The following GSAP variants were observed in gnomAD, a reference collection of about 807,000 sequenced individuals.
GSAP encodes gamma-secretase-activating protein.
Under a neutral mutation model 131.7 loss-of-function variants are expected in GSAP, and 118 were observed. That is an observed-to-expected ratio of 0.90 (90% confidence interval 0.77 to 1.04). GSAP has a LOEUF of 1.04. Among genes scored for constraint, GSAP ranks in the 50% least tolerant of loss-of-function variants. The pLI is 0.00. For missense variants in GSAP, 1,019 were observed against 1,013.2 expected (o/e 1.01, Z -0.08); for synonymous variants, 381 against 363.4 (o/e 1.05, Z -0.55).
chr7:77,314,576 A>C (rs1470293811), intron 26 of GSAP, 87 bp from the exon 27 acceptor site: 2 of 1,484,404 alleles, frequency 1.3e-6, no homozygotes, highest in Non-Finnish European at 1.9e-6. Flanking sequence ...TTAATAAAGC[A>C]CTTAGTTCAG....
chr7:77,360,993 T>C, intron 13 of GSAP, 92 bp from the exon 14 acceptor site: 1 of 745,586 alleles, frequency 1.3e-6, no homozygotes, highest in South Asian at 1.5e-5. Context: ...ATATTTTCAG[T>C]GACCATGAAA....
At chr7:77,371,537 C>T (rs558906038) in intron 12 of GSAP, among the ~76,000 whole-genome samples, 3 of 151,290 alleles carry the variant, frequency 2.0e-5, no homozygotes, top group Admixed American at 6.6e-5. Context: ...TGGGTTCAAG[C>T]GATTTTCCTG....
Position 77,387,437 on chromosome 7 carries a change from A to T in GSAP, c.379T>A (p.Leu127Met), listed in dbSNP as rs770816053. Residue 127 changes from leucine to methionine, a missense_variant, in exon 6 of 31, where the codon TTG becomes ATG. Leu to Met is a conservative substitution (Grantham distance 15). Transcript: ENST00000257626. ...RNELQPGSKC[L>M]TLLVEIHPVN... ...GGGTGGATTTCAACCAACAAAGTCA[A>T]GCACTTTGATCCTACAGAGAAAAGA... The T allele has an allele frequency of 1.9e-6, 3 of 1,579,316 alleles. No individual in the cohort carries two copies. The highest frequency in any genetic ancestry group is 2.6e-6 in the Non-Finnish European group (3 of 1,148,332).
rs141817153 is a variant in GSAP, at chr7:77,326,627, C to T, written c.1766-354G>A. 6.6e-3 allele frequency: 1,132 copies of T among 170,642 alleles called. 5 individuals are homozygous for T. The highest frequency in any genetic ancestry group is 0.029 in the South Asian group (157 of 5,488). The allele number at this position is 170,642 out of a possible 1,614,324, so 10.6% of individuals were successfully genotyped here. A position where few individuals can be genotyped will look rare whatever the true frequency, so the allele number is the denominator to read the frequency against. Reference sequence around the variant, plus strand: ...CTGGGGTCATAAATTGAGGGAACAGCGCTCGGTGGAAGGACTGCATGGCTC... The same window carrying T: ...CTGGGGTCATAAATTGAGGGAACAGTGCTCGGTGGAAGGACTGCATGGCTC... On this transcript the variant is annotated intron_variant, in intron 22 of 30. Transcript: ENST00000257626.
Position 77,312,123 on chromosome 7 carries a change from A to G in GSAP, c.2351T>C (p.Leu784Pro). The G allele has an allele frequency of 6.3e-7, 1 of 1,596,704 alleles. No homozygotes were observed. The highest frequency in any genetic ancestry group is 8.5e-7 in the Non-Finnish European group (1 of 1,171,146). ...CACCTGTTTCTTATAGTTCTGAAGC[A>G]GTCGCGTCACGTGGTTCCGCGAAAT... ...NIISRNHVTRLLQNYKKQPRN... is the reference protein window; with the variant it reads ...NIISRNHVTRPLQNYKKQPRN... The change falls in exon 29 of 31, where the codon CTG (leucine) becomes CCG (proline). Residue 784 changes from leucine (L) to proline (P), a missense_variant. By Grantham distance (98) the Leu-to-Pro change is moderately conservative. Transcript: ENST00000257626.
chr7:77,340,194 A>C (rs1323125714), intron 19 of GSAP, among the ~76,000 whole-genome samples: 1 of 151,594 alleles, frequency 6.6e-6, no homozygotes, highest in African/African-American at 2.4e-5. Flanking sequence ...ATAAGACAAA[A>C]CCCCCTTTGA....
intron 5 of GSAP, among the ~76,000 whole-genome samples, chr7:77,390,561 T>A (rs1414961490): frequency 6.6e-6 from 1 of 152,116 alleles, no homozygotes; most frequent in African/African-American, 2.4e-5. Flanking sequence ...CCATTTCTTC[T>A]TTTTGTCAGG....
intron 5 of GSAP, among the ~76,000 whole-genome samples, chr7:77,392,158 G>A (rs564972407): frequency 6.6e-6 from 1 of 151,790 alleles, no homozygotes; most frequent in African/African-American, 2.4e-5. Context: ...GGAGGCGGAG[G>A]TTACAGTGAG....
chr7:77,375,046 T>G lies in GSAP; in HGVS notation c.785+12A>C. On this transcript the variant is annotated intron_variant, in intron 11 of 30. Transcript: ENST00000257626. Reference sequence around the variant, plus strand: ...ATCTATAAAAATTAGTAACAACCTATGAATAACTTACTTAAATCCTGAGTT... The same window carrying G: ...ATCTATAAAAATTAGTAACAACCTAGGAATAACTTACTTAAATCCTGAGTT... 7.5e-7 allele frequency: 1 copy of G among 1,336,868 alleles called. No individual in the cohort carries two copies. The highest frequency in any genetic ancestry group is 1.1e-6 in the Non-Finnish European group (1 of 937,268). 82.8% of individuals were successfully genotyped at this position (1,336,868 alleles called of 1,614,324 possible). A position where few individuals can be genotyped will look rare whatever the true frequency, so the allele number is the denominator to read the frequency against.
At chr7:77,329,978 C>T (rs1788854403) in intron 20 of GSAP, 1 of 271,504 alleles carries the variant, frequency 3.7e-6, no homozygotes, top group Non-Finnish European at 6.9e-6. Context: ...GAGAACACAT[C>T]TGAGACATGG....
intron 1 of GSAP, among the ~76,000 whole-genome samples, chr7:77,406,934 A>C (rs758429462): frequency 1.3e-5 from 2 of 152,186 alleles, no homozygotes; most frequent in Non-Finnish European, 2.9e-5. Context: ...GCACCTGAGA[A>C]AGGTCTCTGC....
intron 8 of GSAP, 85 bp from the exon 9 acceptor site, chr7:77,377,475 T>G: frequency 7.2e-7 from 1 of 1,389,280 alleles, no homozygotes; most frequent in East Asian, 2.5e-5. Flanking sequence ...TTATTTTCCA[T>G]GTCTATCTTT....
At chr7:77,393,193 T>C (rs1799850974) in intron 5 of GSAP, among the ~76,000 whole-genome samples, 1 of 152,182 alleles carries the variant, frequency 6.6e-6, no homozygotes, top group African/African-American at 2.4e-5. Flanking sequence ...AAACCCCACC[T>C]GAGACAAACC....
chr7:77,407,042 G>GC (rs1420076486), intron 1 of GSAP, among the ~76,000 whole-genome samples: 1 of 152,154 alleles, frequency 6.6e-6, no homozygotes, highest in African/African-American at 2.4e-5. Context: ...TGAATCACAG[G>GC]CACAACTCAT....
chr7:77,353,460 G>A (rs1202160474), intron 17 of GSAP, 112 bp downstream of exon 17: 1 of 540,416 alleles, frequency 1.9e-6, no homozygotes, highest in Non-Finnish European at 3.3e-6. Flanking sequence ...TTTTTTTAAT[G>A]TGCTCCAAAG....
chr7:77,334,860 G>A (rs527913433), intron 19 of GSAP, among the ~76,000 whole-genome samples: 1 of 152,038 alleles, frequency 6.6e-6, no homozygotes, highest in East Asian at 1.9e-4. Context: ...CGAGGCGGGT[G>A]GATCACAAGG....
intron 3 of GSAP, among the ~76,000 whole-genome samples, chr7:77,401,260 A>G (rs1304950325): frequency 2.6e-5 from 4 of 152,172 alleles, no homozygotes; most frequent in Admixed American, 2.0e-4. Flanking sequence ...AACCCCAAAC[A>G]GGCAAAATCC....
At chr7:77,382,477 A>G in intron 7 of GSAP, 97 bp downstream of exon 7, 1 of 685,002 alleles carries the variant, frequency 1.5e-6, no homozygotes, top group Non-Finnish European at 2.7e-6. Flanking sequence ...ACCCTTGGCA[A>G]TGGCAGGTGG....
In GSAP at chr7:77,397,389, C is replaced by A. The variant is rs763275409; in HGVS notation, c.270G>T (p.Leu90Phe). 6.2e-7 allele frequency: 1 copy of A among 1,603,924 alleles called. No individual in the cohort carries two copies. The highest frequency in any genetic ancestry group is 8.5e-7 in the Non-Finnish European group (1 of 1,172,426). Reference protein sequence around the residue: ...NELLYTFEKDLQVFSCSVNSE... With the variant: ...NELLYTFEKDFQVFSCSVNSE... ...TGTTGACAGAGCAACTGAAAACTTGCAAGTCTTTCTCAAAGGTATATAGAA... is the reference window on the plus strand; with the variant it reads ...TGTTGACAGAGCAACTGAAAACTTGAAAGTCTTTCTCAAAGGTATATAGAA... The change falls in exon 4 of 31, where the codon TTG (leucine) becomes TTT (phenylalanine). Residue 90 changes from leucine (L) to phenylalanine (F), a missense_variant. Physicochemically the swap from Leu to Phe is conservative, Grantham distance 22. Transcript: ENST00000257626.
Sources: gnomAD v4.1 joint callset for allele counts (sites outside exome capture counted in the v4.1 genomes callset) on GRCh38, gnomAD v4.1.1 for gene constraint, MANE v1.5 for transcripts, NCBI Gene and HGNC (gene_info 2026-07-23, HGNC 2026-07-21) for gene names.